Variants in PIGU observed in about 807,000 individuals in gnomAD.
The protein encoded by PIGU is GPI-anchor transamidase component PIGU.
PIGU carries 24 observed loss-of-function variants against 49.9 expected under a neutral mutation model. That is an observed-to-expected ratio of 0.48 (90% confidence interval 0.35 to 0.68). The LOEUF (loss-of-function observed/expected upper bound fraction) is 0.68. Ranked by LOEUF, PIGU falls within the 30% of genes least tolerant of loss-of-function variation. The probability of loss-of-function intolerance (pLI) is 0.01; values close to 1 mark genes in which losing one functional copy is unlikely to be tolerated. For synonymous variants in PIGU, 220 were observed against 205.7 expected (o/e 1.07, Z -0.59); for missense variants, 490 against 532.6 (o/e 0.92, Z 0.79).
intron 2 of PIGU, among the ~76,000 whole-genome samples, chr20:34,650,335 A>G (rs1986490901): frequency 6.6e-6 from 1 of 151,924 alleles, no homozygotes; most frequent in Non-Finnish European, 1.5e-5. Context: ...CAACGGCACA[A>G]TCTCAGCTCA....
chr20:34,603,718 G>A (rs1568635147), intron 7 of PIGU, among the ~76,000 whole-genome samples: 1 of 151,978 alleles, frequency 6.6e-6, no homozygotes, highest in Non-Finnish European at 1.5e-5. Flanking sequence ...TACATTTCCT[G>A]CCCTAAAACC....
intron 1 of PIGU, among the ~76,000 whole-genome samples, chr20:34,676,091 CACCCCATTACTCCCCTGCT>C (rs1436622316): frequency 6.6e-6 from 1 of 151,038 alleles, no homozygotes; most frequent in Non-Finnish European, 1.5e-5. Flanking sequence ...ACCTAGCTTC[CACCCCATTACTCCCCTGCT>C]TTGGACATTT....
chr20:34,640,630 A>G (rs1020787152), intron 4 of PIGU, among the ~76,000 whole-genome samples: 3 of 152,226 alleles, frequency 2.0e-5, no homozygotes, highest in Non-Finnish European at 2.9e-5. Context: ...CTTGACAATG[A>G]TAAGATTTAA....
At chr20:34,672,984 G>A (rs997581624) in intron 1 of PIGU, among the ~76,000 whole-genome samples, 8 of 151,976 alleles carry the variant, frequency 5.3e-5, no homozygotes, top group Non-Finnish European at 7.4e-5. Context: ...GCCCGGCGTG[G>A]TGGCTCACGC....
chr20:34,578,271 G>A (rs1425067091), intron 10 of PIGU, among the ~76,000 whole-genome samples: 1 of 152,130 alleles, frequency 6.6e-6, no homozygotes, highest in African/African-American at 2.4e-5. Flanking sequence ...CCTGACTCAA[G>A]CCTCCTGAGA....
At chr20:34,586,182 C>T (rs1983692516) in intron 8 of PIGU, among the ~76,000 whole-genome samples, 1 of 152,152 alleles carries the variant, frequency 6.6e-6, no homozygotes, top group Non-Finnish European at 1.5e-5. Flanking sequence ...TATTTCGCTG[C>T]AATTCTGGCT....
intron 6 of PIGU, among the ~76,000 whole-genome samples, chr20:34,620,028 C>T (rs59042237): frequency 3.3e-5 from 5 of 152,156 alleles, no homozygotes; most frequent in African/African-American, 1.2e-4. Context: ...GCTTTTCCCC[C>T]TCCTCCTTAG....
chr20:34,601,789 T>C (rs964269109), intron 7 of PIGU, among the ~76,000 whole-genome samples: 1 of 152,250 alleles, frequency 6.6e-6, no homozygotes, highest in Admixed American at 6.5e-5. Flanking sequence ...GTTTGTTCTT[T>C]GGACATACCA....
chr20:34,599,467 C>T (rs1984330178), intron 7 of PIGU, among the ~76,000 whole-genome samples: 1 of 151,994 alleles, frequency 6.6e-6, no homozygotes, highest in African/African-American at 2.4e-5. Context: ...CAAAAAAATC[C>T]AAGCTGTTTC....
intron 5 of PIGU, among the ~76,000 whole-genome samples, chr20:34,635,776 G>A (rs1985938734): frequency 6.6e-6 from 1 of 152,132 alleles, no homozygotes; most frequent in Non-Finnish European, 1.5e-5. Context: ...TCGGGAGCCT[G>A]AGGCAGGAGA....
chr20:34,606,170 G>A (rs1027022096), intron 7 of PIGU, among the ~76,000 whole-genome samples: 14 of 150,548 alleles, frequency 9.3e-5, no homozygotes, highest in South Asian at 2.1e-4. Flanking sequence ...CAGGAGAATC[G>A]CTTGAACCTG....
chr20:34,570,413 A>ATTTACT (rs1982955716), intron 11 of PIGU, among the ~76,000 whole-genome samples: 1 of 116,994 alleles, frequency 8.5e-6, no homozygotes, highest in South Asian at 2.8e-4. Flanking sequence ...AGCCACTGTT[A>ATTTACT]TTTATTTTTA....
chr20:34,609,145 C>CA (rs887039900), intron 7 of PIGU, among the ~76,000 whole-genome samples: 2 of 151,670 alleles, frequency 1.3e-5, no homozygotes, highest in African/African-American at 4.8e-5. Flanking sequence ...ACCAAACAAA[C>CA]AAAAAACAAA....
chr20:34,608,436 A>C (rs1984696298), intron 7 of PIGU, among the ~76,000 whole-genome samples: 1 of 152,180 alleles, frequency 6.6e-6, no homozygotes, highest in Admixed American at 6.5e-5. Context: ...GATGCTCAGA[A>C]ATTCCCAAAT....
At chr20:34,669,281 A>G (rs1470267000) in intron 1 of PIGU, among the ~76,000 whole-genome samples, 1 of 152,136 alleles carries the variant, frequency 6.6e-6, no homozygotes, top group Non-Finnish European at 1.5e-5. Context: ...TATGTAGGAT[A>G]TTAACATTGG....
At chr20:34,584,534 A>C (rs1352529877) in intron 9 of PIGU, among the ~76,000 whole-genome samples, 1 of 113,438 alleles carries the variant, frequency 8.8e-6, no homozygotes, top group Non-Finnish European at 1.7e-5. Context: ...TTTTTGAGAC[A>C]TGCACTTCCG....
chr20:34,644,270 T>A, intron 3 of PIGU, 44 bp from the exon 4 acceptor site: 1 of 1,502,600 alleles, frequency 6.7e-7, no homozygotes, highest in Non-Finnish European at 9.2e-7. Context: ...ACACAGTAAG[T>A]GTAAGAGTAC....
In PIGU at chr20:34,676,939, C is replaced by A. The variant is rs1009694739; in HGVS notation, c.130+17G>T. 15 of 1,561,772 alleles carry A rather than the reference C, an allele frequency of 9.6e-6. No individual in the cohort carries two copies. Among genetic ancestry groups the A allele is most frequent in the Non-Finnish European group, 1.3e-5 (15 of 1,153,982 alleles). On this transcript the variant is annotated intron_variant, in intron 1 of 11. Transcript: ENST00000217446. ...GGCAGGTGGGGCCTGACAGTCTGCT[C>A]GAGCCAGTGGCCTCACCTCTCTTCC...
At chr20:34,612,222 GA>G (rs1167214054) in intron 7 of PIGU, among the ~76,000 whole-genome samples, 1 of 152,128 alleles carries the variant, frequency 6.6e-6, no homozygotes, top group Non-Finnish European at 1.5e-5. Context: ...GATGAAGCTG[GA>G]AACCATCATC....
Sources: gnomAD v4.1 joint callset for allele counts (sites outside exome capture counted in the v4.1 genomes callset) on GRCh38, gnomAD v4.1.1 for gene constraint, MANE v1.5 for transcripts, NCBI Gene and HGNC (gene_info 2026-07-23, HGNC 2026-07-21) for gene names.